The following EDN3 variants were observed in gnomAD, a reference collection of about 807,000 sequenced individuals.
The protein encoded by EDN3 is endothelin-3.
In EDN3, 9 loss-of-function variants were observed where a neutral mutation model predicts 21.4. That is an observed-to-expected ratio of 0.42 (90% confidence interval 0.25 to 0.73). EDN3 has a LOEUF of 0.73. Among genes scored for constraint, EDN3 ranks in the 30% least tolerant of loss-of-function variants. The pLI is 0.26. For synonymous variants in EDN3, 133 were observed against 126.2 expected (o/e 1.05, Z -0.36); for missense variants, 327 against 309.4 (o/e 1.06, Z -0.43).
rs978092460 is a variant in EDN3 at position 59,322,242 on chromosome 20, C to G, written c.543-130C>G. On this transcript the variant is annotated intron_variant, in intron 3 of 4. Transcript: ENST00000337938. The surrounding 1 kb of genome is among the most constrained non-coding windows in gnomAD (Gnocchi z 4.1). ...AGTGCTCAGCCTTCAGAAACTGTGC[C>G]TGAGACGCAGTCCTTGGGGAACGCA... The G allele has an allele frequency of 8.0e-6, 8 of 1,005,294 alleles. No homozygotes were observed. In the African/African-American group the frequency reaches 1.3e-4, roughly 16 times the overall value. 62.3% of individuals were successfully genotyped at this position (1,005,294 alleles called of 1,614,324 possible). A position where few individuals can be genotyped will look rare whatever the true frequency, so the allele number is the denominator to read the frequency against.
At chr20:59,313,692 G>C (rs986564137) in intron 2 of EDN3, among the ~76,000 whole-genome samples, 1 of 152,166 alleles carries the variant, frequency 6.6e-6, no homozygotes, top group Non-Finnish European at 1.5e-5. Flanking sequence ...GTCTGCCTTG[G>C]GTCCTCCCAA....
intron 2 of EDN3, among the ~76,000 whole-genome samples, chr20:59,308,937 G>A (rs993578099): frequency 1.3e-5 from 2 of 152,182 alleles, no homozygotes; most frequent in African/African-American, 4.8e-5. Context: ...CCTGCAGGAC[G>A]GTCTGTTAGC....
intron 2 of EDN3, among the ~76,000 whole-genome samples, chr20:59,314,077 C>G (rs952639685): frequency 4.6e-5 from 7 of 152,080 alleles, no homozygotes; most frequent in African/African-American, 1.7e-4. Context: ...CCTCCACCTG[C>G]TGAAGGACAG....
At chr20:59,315,751 T>C (rs1164146796) in intron 2 of EDN3, among the ~76,000 whole-genome samples, 6 of 151,808 alleles carry the variant, frequency 4.0e-5, no homozygotes, top group Admixed American at 3.9e-4. Flanking sequence ...CTACTGAAAA[T>C]GGTGGGGACT....
At position 59,324,362 on chromosome 20, in the gene EDN3, C is replaced by A. The variant is rs1990722240; in HGVS notation, c.620C>A (p.Ala207Asp). The A allele has an allele frequency of 1.2e-6, 2 of 1,614,074 alleles. No individual in the cohort carries two copies. The highest frequency in any genetic ancestry group is 1.1e-5 in the South Asian group (1 of 91,084). The change falls in exon 5 of 5, where the codon GCT (alanine) becomes GAT (aspartate). Residue 207 changes from alanine to aspartate, a missense_variant. Coordinates refer to ENST00000337938, the MANE Select transcript of EDN3 (RefSeq NM_207034.3). ...VEVKDQQSKQ[A>D]LDLHHPKLMP... ...GTCAAGGACCAACAAAGCAAGCAGG[C>A]TTTAGACCTCCACCATCCAAAGCTC...
At chr20:59,320,904 C>G in intron 2 of EDN3, 113 bp from the exon 3 acceptor site, 6 of 1,134,490 alleles carry the variant, frequency 5.3e-6, no homozygotes, top group Non-Finnish European at 7.8e-6. Flanking sequence ...GGGTTGTGAA[C>G]ACCAGTTTCT....
Position 59,300,779 on chromosome 20 carries a change from C to T in EDN3, c.-34C>T, listed in dbSNP as rs748531162. 6.9e-6 allele frequency: 11 copies of T among 1,601,412 alleles called. No individual in the cohort carries two copies. The highest frequency in any genetic ancestry group is 9.4e-6 in the Non-Finnish European group (11 of 1,175,556). ...TTTCGCGGCCACAAGCGGCCGTCCT[C>T]CTGGTCCGGTGCTCCGGCGCCTGAT... On this transcript the variant is annotated 5_prime_UTR_variant, in exon 1 of 5. Coordinates refer to ENST00000337938, the MANE Select transcript of EDN3 (RefSeq NM_207034.3).
intron 2 of EDN3, among the ~76,000 whole-genome samples, chr20:59,307,954 T>C (rs1277428048): frequency 6.6e-6 from 1 of 152,100 alleles, no homozygotes; most frequent in Non-Finnish European, 1.5e-5. Context: ...TATGTAATCA[T>C]ATATTTACCC....
rs761447718 is a variant in EDN3 at position 59,322,439 on chromosome 20, C to G, written c.588+22C>G. The G allele has an allele frequency of 3.7e-6, 6 of 1,614,158 alleles. No homozygotes were observed. The South Asian group carries it at 5.5e-5, about 15-fold the overall frequency. On this transcript the variant is annotated intron_variant, in intron 4 of 4. Coordinates refer to ENST00000337938, the MANE Select transcript of EDN3 (RefSeq NM_207034.3). The surrounding 1 kb of genome is among the most constrained non-coding windows in gnomAD (Gnocchi z 4.1). ...GAAGGTGAGAGGTGCCAACAGAGGCCTGTGTCAAAGGAGGTGAAGATGTGA... is the reference window on the plus strand; with the variant it reads ...GAAGGTGAGAGGTGCCAACAGAGGCGTGTGTCAAAGGAGGTGAAGATGTGA...
chr20:59,307,824 G>C (rs931160991), intron 2 of EDN3, among the ~76,000 whole-genome samples: 1 of 151,610 alleles, frequency 6.6e-6, no homozygotes, highest in Non-Finnish European at 1.5e-5. Context: ...CCACAGGTGC[G>C]TGTCACCATG....
rs11905591 is a variant in EDN3 at position 59,314,201 on chromosome 20, C to T, written c.366-6816C>T. Among the ~76,000 whole-genome samples, 482 of 152,318 alleles carry T rather than the reference C, an allele frequency of 3.2e-3. 2 individuals carry two copies. The highest frequency in any genetic ancestry group is 0.014 in the Middle Eastern group (4 of 294). On this transcript the variant is annotated intron_variant, in intron 2 of 4. Coordinates refer to ENST00000337938, the MANE Select transcript of EDN3 (RefSeq NM_207034.3). Reference sequence around the variant, plus strand: ...GGGGGAAAGGACTCCAGCCAGCTTACTGTGCTGGGTTTGTCCTGATTCTGA... The same window carrying T: ...GGGGGAAAGGACTCCAGCCAGCTTATTGTGCTGGGTTTGTCCTGATTCTGA...
At chr20:59,318,270 T>G (rs1990309306) in intron 2 of EDN3, among the ~76,000 whole-genome samples, 1 of 151,998 alleles carries the variant, frequency 6.6e-6, no homozygotes, top group African/African-American at 2.4e-5. Context: ...AGCGCTGGTG[T>G]GGGATGGCGC....
intron 2 of EDN3, among the ~76,000 whole-genome samples, chr20:59,302,928 G>A (rs1218244701): frequency 6.6e-6 from 1 of 152,144 alleles, no homozygotes; most frequent in Non-Finnish European, 1.5e-5. Context: ...AAGTGCAGAC[G>A]AGGGTAGTAA....
rs1990503300 is a variant in EDN3 at position 59,321,058 on chromosome 20, T to A, written c.407T>A (p.Phe136Tyr). 2.5e-6 allele frequency: 4 copies of A among 1,614,094 alleles called. No homozygotes were observed. The South Asian group carries it at 3.3e-5, about 13-fold the overall frequency. ...PYGLSNYRGSFRGKRSAGPLP... is the reference protein window; with the variant it reads ...PYGLSNYRGSYRGKRSAGPLP... ...GGACTGTCCAACTACAGAGGAAGCT[T>A]CCGGGGCAAGAGGTCTGCGGGGCCA... Residue 136 changes from phenylalanine (F) to tyrosine (Y), a missense_variant, in exon 3 of 5, where the codon TTC (phenylalanine) becomes TAC (tyrosine). Physicochemically the swap from Phe to Tyr is conservative, Grantham distance 22. Coordinates refer to ENST00000337938, the MANE Select transcript of EDN3 (RefSeq NM_207034.3).
At chr20:59,321,751 T>C (rs1268231783) in intron 3 of EDN3, among the ~76,000 whole-genome samples, 1 of 152,132 alleles carries the variant, frequency 6.6e-6, no homozygotes, top group African/African-American at 2.4e-5. Context: ...TTATCTTACT[T>C]TGTAGCCCCT....
At chr20:59,312,960 C>T (rs778069556) in intron 2 of EDN3, among the ~76,000 whole-genome samples, 25 of 152,210 alleles carry the variant, frequency 1.6e-4, no homozygotes, top group Non-Finnish European at 3.1e-4. Context: ...CCTTACCCAT[C>T]TACGCAGCCT....
chr20:59,323,079 A>G (rs1391149781), intron 4 of EDN3, among the ~76,000 whole-genome samples: 4 of 152,200 alleles, frequency 2.6e-5, no homozygotes, highest in Non-Finnish European at 1.5e-5. Flanking sequence ...TATGTTCATA[A>G]TAATAGCCTG....
intron 2 of EDN3, among the ~76,000 whole-genome samples, chr20:59,316,128 G>A (rs1024767751): frequency 3.3e-5 from 5 of 152,236 alleles, no homozygotes; most frequent in African/African-American, 1.2e-4. Context: ...GGAGGTTGCA[G>A]TGAGCCAAGA....
chr20:59,314,446 C>A (rs1990044148), intron 2 of EDN3, among the ~76,000 whole-genome samples: 2 of 151,938 alleles, frequency 1.3e-5, no homozygotes. Context: ...GGAAAGCTCA[C>A]AGACTGGAGG....
Sources: gnomAD v4.1 joint callset for allele counts (sites outside exome capture counted in the v4.1 genomes callset) on GRCh38, gnomAD v4.1.1 for gene constraint, Gnocchi (gnomAD v3.1) non-coding constraint, MANE v1.5 for transcripts, NCBI Gene and HGNC (gene_info 2026-07-23, HGNC 2026-07-21) for gene names.